PTPN18: variants seen among roughly 807,000 people sequenced by gnomAD.
PTPN18 encodes protein tyrosine phosphatase non-receptor type 18.
In PTPN18, 65 loss-of-function variants were observed where a neutral mutation model predicts 65.4. That is an observed-to-expected ratio of 0.99 (90% CI 0.81 to 1.22). PTPN18 has a LOEUF of 1.22. Among genes scored for constraint, PTPN18 ranks in the 50% most tolerant of loss-of-function variants. The pLI, the probability that PTPN18 is intolerant of heterozygous loss-of-function variation, is 0.00. For missense variants in PTPN18, 616 were observed against 646.5 expected, an observed-to-expected ratio of 0.95 and a Z score of 0.51; for synonymous variants, 255 against 267.8, an observed-to-expected ratio of 0.95 and a Z score of 0.47.
Position 130,373,074 on chromosome 2 carries a change from CG to C in PTPN18, c.1316-77del. The C allele has an allele frequency of 1.3e-6, 2 of 1,537,820 alleles. No homozygotes were observed. Among genetic ancestry groups the C allele is most frequent in the Non-Finnish European group, 1.8e-6 (2 of 1,125,416 alleles). On this transcript the variant is annotated intron_variant, in intron 14 of 14. Transcript: ENST00000175756. The surrounding 1 kb of genome is among the most constrained non-coding windows in gnomAD (Gnocchi z 4.1). Reference sequence around the variant, plus strand: ...GCAGTGAACCAGGAGGACCTGGAGGCGGGGGGATGGCCTTCTTCATGTCTGC... The same window carrying C: ...GCAGTGAACCAGGAGGACCTGGAGGCGGGGGATGGCCTTCTTCATGTCTGC...
intron 8 of PTPN18, 160 bp from the exon 9 acceptor site, chr2:130,370,397 G>T (rs1680520602): frequency 1.8e-6 from 2 of 1,121,854 alleles, no homozygotes; most frequent in East Asian, 5.0e-5. Context: ...AAATGTAAGT[G>T]ATTAAAAAGG....
chr2:130,366,204 T>C (rs1426593189), intron 5 of PTPN18, among the ~76,000 whole-genome samples: 9 of 152,204 alleles, frequency 5.9e-5, no homozygotes, highest in Non-Finnish European at 1.3e-4. Context: ...ATACAAACAA[T>C]ATGCTTTATG....
chr2:130,361,506 T>TTCTTTC (rs1373726308), intron 5 of PTPN18, among the ~76,000 whole-genome samples: 10 of 140,844 alleles, frequency 7.1e-5, no homozygotes, highest in East Asian at 2.4e-4. Context: ...TTTCTTTCTT[T>TTCTTTC]TCTTTCTCTT....
At chr2:130,358,824 C>A in intron 1 of PTPN18, 43 bp from the exon 2 acceptor site, 1 of 1,546,188 alleles carries the variant, frequency 6.5e-7, no homozygotes, top group South Asian at 1.1e-5. Context: ...TGGCTCCTCT[C>A]CTGTCTTCTC....
At chr2:130,360,575 G>A (rs1230407070) in intron 5 of PTPN18, among the ~76,000 whole-genome samples, 1 of 151,748 alleles carries the variant, frequency 6.6e-6, no homozygotes, top group African/African-American at 2.4e-5. Context: ...CCTGTTTTTT[G>A]TAAACAGTGT....
rs372603340 is a variant in PTPN18, at chr2:130,356,160, G to A, written c.53G>A (p.Arg18Gln). The change falls in exon 1 of 15, where the codon CGG (arginine) becomes CAG (glutamine). Residue 18 changes from arginine to glutamine, a missense_variant. Arg to Gln is a conservative substitution (Grantham distance 43). Coordinates refer to ENST00000175756, the MANE Select transcript of PTPN18 (RefSeq NM_014369.4). ...ARSFLERLEA[R>Q]GGREGAVLAG... Reference sequence around the variant, plus strand: ...AGCTTCCTGGAGCGGCTGGAAGCGCGGGGCGGCCGGGAGGGGGCAGTCCTC... The same window carrying A: ...AGCTTCCTGGAGCGGCTGGAAGCGCAGGGCGGCCGGGAGGGGGCAGTCCTC... 92 of 1,312,568 alleles carry A rather than the reference G, an allele frequency of 7.0e-5. No homozygotes were observed. The South Asian group carries it at 8.3e-4, about 12-fold the overall frequency. The allele number at this position is 1,312,568 out of a possible 1,614,324, so 81.3% of individuals were successfully genotyped here. A position where few individuals can be genotyped will look rare whatever the true frequency, so the allele number is the denominator to read the frequency against.
At position 130,373,279 on chromosome 2, in the gene PTPN18, C is replaced by T. The variant is rs1209684377; in HGVS notation, c.*55C>T. 2.7e-6 allele frequency: 4 copies of T among 1,472,464 alleles called. No individual in the cohort carries two copies. Among genetic ancestry groups the T allele is most frequent in the Non-Finnish European group, 3.6e-6 (4 of 1,096,684 alleles). 91.2% of individuals were successfully genotyped at this position (1,472,464 alleles called of 1,614,324 possible). A position where few individuals can be genotyped will look rare whatever the true frequency, so the allele number is the denominator to read the frequency against. Reference sequence around the variant, plus strand: ...TTGTGAGCTCGGACTGCTGATGCCCCGGTGCTGCTGAGCGCCGTGCGCAGA... The same window carrying T: ...TTGTGAGCTCGGACTGCTGATGCCCTGGTGCTGCTGAGCGCCGTGCGCAGA... On this transcript the variant is annotated 3_prime_UTR_variant, in exon 15 of 15. Coordinates refer to ENST00000175756, the MANE Select transcript of PTPN18 (RefSeq NM_014369.4). This position sits in a 1 kb window ranked among gnomAD's most constrained non-coding sequence, Gnocchi z 4.1.
intron 13 of PTPN18, 180 bp downstream of exon 13, chr2:130,372,663 C>A: frequency 3.0e-6 from 3 of 1,000,942 alleles, no homozygotes; most frequent in Non-Finnish European, 4.2e-6. Context: ...CCCTGGCGGT[C>A]GCAGTCGCGG....
chr2:130,356,439 G>A (rs1266742619), intron 1 of PTPN18, among the ~76,000 whole-genome samples: 2 of 152,160 alleles, frequency 1.3e-5, no homozygotes, highest in African/African-American at 4.8e-5. Flanking sequence ...GACGGACCGT[G>A]CACACCCTCG....
intron 5 of PTPN18, chr2:130,368,873 G>GT: frequency 2.9e-6 from 1 of 345,872 alleles, no homozygotes; most frequent in Non-Finnish European, 5.3e-6. Flanking sequence ...AGTGGCTCAT[G>GT]TATTTTGTCC....
intron 5 of PTPN18, among the ~76,000 whole-genome samples, chr2:130,366,286 GCAGACGGTGC>G (rs1360300209): frequency 6.6e-6 from 1 of 152,192 alleles, no homozygotes; most frequent in East Asian, 1.9e-4. Context: ...TACATTCTGT[GCAGACGGTGC>G]CCCAATAAAA....
Position 130,371,271 on chromosome 2 carries a change from C to G in PTPN18, c.997C>G (p.Pro333Ala). 1.9e-6 allele frequency: 3 copies of G among 1,602,140 alleles called. No homozygotes were observed. Among genetic ancestry groups the G allele is most frequent in the Non-Finnish European group, 2.6e-6 (3 of 1,172,694 alleles). The part of the protein sequence containing the change: ...PQALLAIPRP[P>A]GGVLRSISVP... ...GGCACTTCTCGCCATACCCCGCCCACCAGGAGGGGTCCTCAGGTACCCGGC... is the reference window on the plus strand; with the variant it reads ...GGCACTTCTCGCCATACCCCGCCCAGCAGGAGGGGTCCTCAGGTACCCGGC... Residue 333 changes from proline (P) to alanine (A), a missense_variant, in exon 12 of 15, where the codon CCA becomes GCA. Around this residue, in one of 3 missense-constraint regions of PTPN18, gnomAD observed 368 missense variants for 386.7 expected, o/e 0.95. Coordinates refer to ENST00000175756, the MANE Select transcript of PTPN18 (RefSeq NM_014369.4).
Position 130,371,917 on chromosome 2 carries a change from G to A in PTPN18, c.1014-340G>A, listed in dbSNP as rs891733995. Reference sequence around the variant, plus strand: ...CATGGGATTGAGCCGCCTTCGCAGCGGAGACTTAAGGCCCTTGTCCTTGCG... The same window carrying A: ...CATGGGATTGAGCCGCCTTCGCAGCAGAGACTTAAGGCCCTTGTCCTTGCG... On this transcript the variant is annotated intron_variant, in intron 12 of 14. Coordinates refer to ENST00000175756, the MANE Select transcript of PTPN18 (RefSeq NM_014369.4). The A allele has an allele frequency of 1.3e-4, 35 of 273,380 alleles. No homozygotes were observed. In the East Asian group the frequency reaches 2.0e-3, roughly 16 times the overall value. 16.9% of individuals were successfully genotyped at this position (273,380 alleles called of 1,614,324 possible). A position where few individuals can be genotyped will look rare whatever the true frequency, so the allele number is the denominator to read the frequency against.
chr2:130,359,394 C>T lies in PTPN18; in HGVS notation c.280-3C>T. ...TCTCAGTCGTGAATTCGGCCTTCAC[C>T]AGGGCGTGGATGGAAGCCTGGCCTA... On this transcript the variant is annotated splice_region_variant and splice_polypyrimidine_tract_variant and intron_variant, in intron 3 of 14. Coordinates refer to ENST00000175756, the MANE Select transcript of PTPN18 (RefSeq NM_014369.4). 6.2e-7 allele frequency: 1 copy of T among 1,614,162 alleles called. No homozygotes were observed. The highest frequency in any genetic ancestry group is 8.5e-7 in the Non-Finnish European group (1 of 1,180,020).
At position 130,373,244 on chromosome 2, in the gene PTPN18, C is replaced by G; in HGVS notation, c.*20C>G. 6.4e-7 allele frequency: 1 copy of G among 1,564,080 alleles called. No individual in the cohort carries two copies. The highest frequency in any genetic ancestry group is 8.6e-7 in the Non-Finnish European group (1 of 1,157,964). ...GTGTAAGTCTAACGCCAGTTCCTGC[C>G]TGTTGCCTCTTGTGAGCTCGGACTG... On this transcript the variant is annotated 3_prime_UTR_variant, in exon 15 of 15. Coordinates refer to ENST00000175756, the MANE Select transcript of PTPN18 (RefSeq NM_014369.4). The surrounding 1 kb of genome is among the most constrained non-coding windows in gnomAD (Gnocchi z 4.1).
In PTPN18 at chr2:130,359,429, G is replaced by C. The variant is rs138461234; in HGVS notation, c.312G>C (p.Thr104=). Residue 104 remains threonine, a synonymous_variant, in exon 4 of 15, where the codon ACG becomes ACC. Coordinates refer to ENST00000175756, the MANE Select transcript of PTPN18 (RefSeq NM_014369.4). The stretch of plus-strand genomic sequence containing the variant: ...ATGGAAGCCTGGCCTACATTGCCAC[G>C]CAAGGACCCTTGCCTCACACCCTGC... ...GVDGSLAYIA[T]QGPLPHTLLD... is the part of the protein sequence containing the mutation. The C allele has an allele frequency of 3.2e-3, 5,095 of 1,614,206 alleles. 13 individuals carry two copies. Among genetic ancestry groups the C allele is most frequent in the Non-Finnish European group, 3.5e-3 (4,167 of 1,180,040 alleles).
intron 5 of PTPN18, among the ~76,000 whole-genome samples, chr2:130,364,240 A>G (rs1680315962): frequency 6.6e-6 from 1 of 152,136 alleles, no homozygotes; most frequent in Admixed American, 6.6e-5. Context: ...CCCCATTTCC[A>G]GGTAACCTCT....
chr2:130,374,561 G>T lies in PTPN18; in HGVS notation c.*1337G>T, dbSNP rs78590048. 2.2e-6 allele frequency: 1 copy of T among 461,998 alleles called. No individual in the cohort carries two copies. The highest frequency in any genetic ancestry group is 4.5e-6 in the Non-Finnish European group (1 of 221,358). The allele number at this position is 461,998 out of a possible 1,614,324, so 28.6% of individuals were successfully genotyped here. A position where few individuals can be genotyped will look rare whatever the true frequency, so the allele number is the denominator to read the frequency against. On this transcript the variant is annotated 3_prime_UTR_variant, in exon 15 of 15. Coordinates refer to ENST00000175756, the MANE Select transcript of PTPN18 (RefSeq NM_014369.4). ...GTTAAAAGAAATAAAAGGAGGACAC[G>T]TCTCTGTGCACTGGTGTGGACAAAT...
chr2:130,369,614 C>T lies in PTPN18; in HGVS notation c.484-151C>T, dbSNP rs951114229. The T allele has an allele frequency of 1.1e-5, 9 of 797,004 alleles. No individual in the cohort carries two copies. In the Admixed American group the frequency reaches 1.3e-4, roughly 11 times the overall value. 49.4% of individuals were successfully genotyped at this position (797,004 alleles called of 1,614,324 possible). On this transcript the variant is annotated intron_variant, in intron 6 of 14. Transcript: ENST00000175756. ...GTGTCAAATGTTTCCTTAATGAAAG[C>T]TTTGGGGAAAGTTTGGGCTATATGA...
Sources: allele counts gnomAD v4.1 joint callset (sites outside exome capture counted in the v4.1 genomes callset), GRCh38; gene constraint gnomAD v4.1.1; regional missense constraint gnomAD v4.1.1; non-coding constraint Gnocchi (gnomAD v3.1); transcripts MANE v1.5; gene names NCBI Gene and HGNC (gene_info 2026-07-23, HGNC 2026-07-21).